The following CLSTN2 variants were observed in gnomAD, a reference collection of about 807,000 sequenced individuals.
The protein encoded by CLSTN2 is calsyntenin 2.
Under a neutral mutation model 101.2 loss-of-function variants are expected in CLSTN2, and 48 were observed. The ratio of observed to expected loss-of-function variants is 0.47; its 90% CI spans 0.38 to 0.60. The LOEUF (loss-of-function observed/expected upper bound fraction) is 0.60, where lower values mean the gene tolerates loss of function less well. Among genes scored for constraint, CLSTN2 ranks in the 20% least tolerant of loss-of-function variants. The probability of loss-of-function intolerance (pLI) is 0.00; values close to 1 mark genes in which losing one functional copy is unlikely to be tolerated. For synonymous variants in CLSTN2, 481 were observed against 463.6 expected (o/e 1.04, Z -0.48); for missense variants, 1,160 against 1,238.2 (o/e 0.94, Z 0.95).
At chr3:140,110,507 T>C (rs1375871571) in intron 1 of CLSTN2, among the ~76,000 whole-genome samples, 1 of 152,368 alleles carries the variant, frequency 6.6e-6, no homozygotes, top group East Asian at 1.9e-4. Context: ...TCAGGACTTT[T>C]CACTTTGCTA....
At chr3:140,169,250 C>T (rs765330549) in intron 1 of CLSTN2, among the ~76,000 whole-genome samples, 4 of 151,942 alleles carry the variant, frequency 2.6e-5, no homozygotes, top group Non-Finnish European at 5.9e-5. Flanking sequence ...GTTTTTGATG[C>T]TATTGTAACA....
At chr3:140,010,186 G>A (rs1364683079) in intron 1 of CLSTN2, among the ~76,000 whole-genome samples, 2 of 152,152 alleles carry the variant, frequency 1.3e-5, no homozygotes, top group African/African-American at 2.4e-5. Context: ...GTAACTGTTT[G>A]CGGTAGGAAA....
intron 2 of CLSTN2, among the ~76,000 whole-genome samples, chr3:140,348,865 TC>T (rs2087578579): frequency 6.6e-6 from 1 of 152,166 alleles, no homozygotes. Flanking sequence ...TTAGGCAGTC[TC>T]TCCCCTGTTC....
intron 1 of CLSTN2, among the ~76,000 whole-genome samples, chr3:139,957,268 C>G (rs1174009746): frequency 6.6e-6 from 1 of 152,088 alleles, no homozygotes; most frequent in Non-Finnish European, 1.5e-5. Context: ...TGATTCACCC[C>G]TCCAGGCAGC....
intron 5 of CLSTN2, among the ~76,000 whole-genome samples, chr3:140,434,620 T>TA (rs1347078911): frequency 1.3e-5 from 2 of 152,152 alleles, no homozygotes; most frequent in Admixed American, 6.5e-5. Context: ...ATGAATACAT[T>TA]AGCCAGATGC....
chr3:140,082,073 C>T (rs984523630), intron 1 of CLSTN2, among the ~76,000 whole-genome samples: 3 of 152,194 alleles, frequency 2.0e-5, no homozygotes, highest in African/African-American at 7.2e-5. Flanking sequence ...TTAAATGGAG[C>T]AGCAGGAGTG....
rs772240269 is a variant in CLSTN2 at position 140,448,589 on chromosome 3, G to A, written c.858G>A (p.Glu286=). The change falls in exon 6 of 17, where the codon GAG becomes GAA. Residue 286 remains glutamate (E), a synonymous_variant. Coordinates refer to ENST00000458420, the MANE Select transcript of CLSTN2 (RefSeq NM_022131.3). ...SMPLFPSIHL[E]TCDGAVSSLQ... ...CCCTGTTCCCCAGCATCCACCTGGAGACGTGCGATGGAGCCGTGTCTTCCC... is the reference window on the plus strand; with the variant it reads ...CCCTGTTCCCCAGCATCCACCTGGAAACGTGCGATGGAGCCGTGTCTTCCC... 14 of 1,614,010 alleles carry A rather than the reference G, an allele frequency of 8.7e-6. No individual in the cohort carries two copies.
chr3:140,446,513 A>G (rs59098671), intron 5 of CLSTN2, among the ~76,000 whole-genome samples: 13,048 of 152,176 alleles, frequency 0.086, 667 homozygotes, highest in East Asian at 0.2. Context: ...GTGATGCAGG[A>G]GGGCGGATTG....
intron 1 of CLSTN2, among the ~76,000 whole-genome samples, chr3:139,997,208 T>G (rs2107745775): frequency 6.6e-6 from 1 of 152,320 alleles, no homozygotes; most frequent in East Asian, 1.9e-4. Context: ...TTCTCAGATC[T>G]CTTATCTGGG....
intron 8 of CLSTN2, among the ~76,000 whole-genome samples, chr3:140,485,243 T>G (rs1175302945): frequency 6.6e-6 from 1 of 152,218 alleles, no homozygotes; most frequent in Non-Finnish European, 1.5e-5. Context: ...TTTTCCTGGG[T>G]ATCAGCAGCA....
rs576515096 is a variant in CLSTN2, at chr3:140,236,195, T to A, written c.232+60122T>A. On this transcript the variant is annotated intron_variant, in intron 2 of 16. Coordinates refer to ENST00000458420, the MANE Select transcript of CLSTN2 (RefSeq NM_022131.3). ...TACCAAATACCTAAATATCAATTTT[T>A]TGTGCCATTATAAGAATTTTAAAAT... 2.6e-5 allele frequency among the ~76,000 whole-genome samples: 4 copies of A among 152,358 alleles called. No homozygotes were observed. In the South Asian group the frequency reaches 8.3e-4, roughly 32 times the overall value.
chr3:140,307,131 A>C (rs1176110991), intron 2 of CLSTN2, among the ~76,000 whole-genome samples: 1 of 152,024 alleles, frequency 6.6e-6, no homozygotes, highest in Non-Finnish European at 1.5e-5. Flanking sequence ...GTAAGATATG[A>C]CTTGCTCCTC....
intron 2 of CLSTN2, among the ~76,000 whole-genome samples, chr3:140,400,326 C>T (rs1189766118): frequency 6.6e-6 from 1 of 152,222 alleles, no homozygotes; most frequent in Non-Finnish European, 1.5e-5. Flanking sequence ...ATGCGTATTG[C>T]AGCCTTCTCC....
chr3:140,502,918 G>C (rs1007346485), intron 8 of CLSTN2, among the ~76,000 whole-genome samples: 6 of 152,222 alleles, frequency 3.9e-5, no homozygotes, highest in Non-Finnish European at 8.8e-5. Context: ...TTGGAGGTCA[G>C]ATGTCTGAAA....
intron 7 of CLSTN2, among the ~76,000 whole-genome samples, chr3:140,463,344 C>T (rs149143197): frequency 1.2e-4 from 18 of 152,314 alleles, no homozygotes; most frequent in Non-Finnish European, 1.9e-4. Context: ...GAGAGAGGGG[C>T]CAACCTTGTT....
At chr3:140,366,338 T>A (rs1013034546) in intron 2 of CLSTN2, among the ~76,000 whole-genome samples, 1 of 152,336 alleles carries the variant, frequency 6.6e-6, no homozygotes, top group Admixed American at 6.5e-5. Flanking sequence ...GCAATCAGTC[T>A]GATTATTTGT....
intron 2 of CLSTN2, among the ~76,000 whole-genome samples, chr3:140,241,904 C>A (rs991919532): frequency 6.8e-6 from 1 of 147,380 alleles, no homozygotes; most frequent in African/African-American, 2.5e-5. Context: ...CACACACACA[C>A]ATATATATAT....
chr3:140,093,460 C>A (rs1338273903), intron 1 of CLSTN2, among the ~76,000 whole-genome samples: 1 of 152,160 alleles, frequency 6.6e-6, no homozygotes, highest in Admixed American at 6.5e-5. Flanking sequence ...TCCTTCCCCT[C>A]CCCTTCCCAC....
At chr3:140,216,005 G>C (rs2010916004) in intron 2 of CLSTN2, among the ~76,000 whole-genome samples, 1 of 152,182 alleles carries the variant, frequency 6.6e-6, no homozygotes, top group Non-Finnish European at 1.5e-5. Context: ...TGGCCTGTTA[G>C]GAACTGCACG....
Sources: gnomAD v4.1 joint callset for allele counts (sites outside exome capture counted in the v4.1 genomes callset) on GRCh38, gnomAD v4.1.1 for gene constraint, MANE v1.5 for transcripts, NCBI Gene and HGNC (gene_info 2026-07-23, HGNC 2026-07-21) for gene names.